NCLN: variants seen among roughly 807,000 people sequenced by gnomAD.
NCLN encodes BOS complex subunit NCLN.
Under a neutral mutation model 69.5 loss-of-function variants are expected in NCLN, and 34 were observed. That is an observed-to-expected ratio of 0.49 (90% confidence interval 0.37 to 0.65). The LOEUF (loss-of-function observed/expected upper bound fraction) is 0.65, where lower values mean the gene tolerates loss of function less well. Among genes scored for constraint, NCLN ranks in the 30% least tolerant of loss-of-function variants. NCLN has a pLI of 0.00. For synonymous variants in NCLN, 393 were observed against 358.3 expected (o/e 1.10, Z -1.09); for missense variants, 710 against 804.8 (o/e 0.88, Z 1.42).
chr19:3,193,856 C>G (rs886318746), intron 3 of NCLN, among the ~76,000 whole-genome samples: 5 of 152,266 alleles, frequency 3.3e-5, no homozygotes, highest in Non-Finnish European at 7.3e-5. Context: ...CGCCTTTCCT[C>G]CAGCCCCGTG....
At chr19:3,207,555 G>A in intron 14 of NCLN, 74 bp from the exon 15 acceptor site, 1 of 1,607,704 alleles carries the variant, frequency 6.2e-7, no homozygotes. Flanking sequence ...CCTGGCCCCT[G>A]GCTCAGCCTA....
intron 12 of NCLN, 67 bp from the exon 13 acceptor site, chr19:3,207,131 C>T: frequency 6.3e-7 from 1 of 1,582,018 alleles, no homozygotes; most frequent in East Asian, 2.2e-5. Context: ...GTCTCCATCT[C>T]TACAAACCCT....
At chr19:3,204,844 G>A in intron 9 of NCLN, 93 bp downstream of exon 9, 1 of 1,272,680 alleles carries the variant, frequency 7.9e-7, no homozygotes, top group Non-Finnish European at 1.0e-6. Flanking sequence ...AGCCTGGAGG[G>A]AGCGGCCCCC....
chr19:3,201,068 C>T (rs1024832622), intron 5 of NCLN, among the ~76,000 whole-genome samples: 3 of 152,158 alleles, frequency 2.0e-5, no homozygotes, highest in Non-Finnish European at 4.4e-5. Context: ...GGCATGTGGT[C>T]GGGCTGTGCA....
At chr19:3,186,328 C>T in intron 1 of NCLN, 114 bp downstream of exon 1, 1 of 1,199,992 alleles carries the variant, frequency 8.3e-7, no homozygotes, top group African/African-American at 1.6e-5. Flanking sequence ...GACCCATGCT[C>T]AGGCCCCAGG....
In NCLN at chr19:3,206,325, C is replaced by G; in HGVS notation, c.1399C>G (p.Gln467Glu). The change falls in exon 12 of 15, where the codon CAG (glutamine) becomes GAG (glutamate). Residue 467 changes from glutamine to glutamate, a missense_variant. By Grantham distance (29) the Gln-to-Glu change is conservative (BLOSUM62 2). Coordinates refer to ENST00000246117, the MANE Select transcript of NCLN (RefSeq NM_020170.4). Reference sequence around the variant, plus strand: ...GCTCACCAACCAGCCGCGGGCCGCGCAGCTGGTGGACAAGGACAGCACCTT... The same window carrying G: ...GCTCACCAACCAGCCGCGGGCCGCGGAGCTGGTGGACAAGGACAGCACCTT... ...DWLTNQPRAA[Q>E]LVDKDSTFLS... 6.5e-7 allele frequency: 1 copy of G among 1,548,294 alleles called. No individual in the cohort carries two copies. Among genetic ancestry groups the G allele is most frequent in the Non-Finnish European group, 8.7e-7 (1 of 1,146,922 alleles).
In NCLN at chr19:3,186,382, T is replaced by G. The variant is rs572112407; in HGVS notation, c.184+168T>G. On this transcript the variant is annotated intron_variant, in intron 1 of 14. Coordinates refer to ENST00000246117, the MANE Select transcript of NCLN (RefSeq NM_020170.4). ...CCCTGGACCCCCGGGCGCCCTGGAATCCCTGCTCTCCTTGCCTAGCGCCCA... is the reference window on the plus strand; with the variant it reads ...CCCTGGACCCCCGGGCGCCCTGGAAGCCCTGCTCTCCTTGCCTAGCGCCCA... Among the ~76,000 whole-genome samples, 23 of 152,064 alleles carry G rather than the reference T, an allele frequency of 1.5e-4. No homozygotes were observed. The South Asian group carries it at 4.6e-3, about 30-fold the overall frequency.
intron 4 of NCLN, 68 bp downstream of exon 4, chr19:3,196,345 G>A (rs918470829): frequency 1.6e-5 from 20 of 1,234,614 alleles, no homozygotes; most frequent in Middle Eastern, 1.9e-4. Context: ...CTGGCTCCCC[G>A]GCTCGGCCGT....
chr19:3,192,545 T>C lies in NCLN; in HGVS notation c.260T>C (p.Met87Thr). 6.2e-7 allele frequency: 1 copy of C among 1,610,014 alleles called. No homozygotes were observed. The highest frequency in any genetic ancestry group is 8.5e-7 in the Non-Finnish European group (1 of 1,178,780). The change falls in exon 2 of 15, where the codon ATG becomes ACG. Residue 87 changes from methionine (M) to threonine (T), a missense_variant. Coordinates refer to ENST00000246117, the MANE Select transcript of NCLN (RefSeq NM_020170.4). Reference protein sequence around the residue: ...AEVLSRRCVLMRLLDFSYEQY... With the variant: ...AEVLSRRCVLTRLLDFSYEQY... Reference sequence around the variant, plus strand: ...GTGCTGAGCCGCCGCTGCGTGCTCATGCGGCTACTGGACTTCTCCTACGAG... The same window carrying C: ...GTGCTGAGCCGCCGCTGCGTGCTCACGCGGCTACTGGACTTCTCCTACGAG...
At chr19:3,186,815 C>T (rs142660310) in intron 1 of NCLN, among the ~76,000 whole-genome samples, 236 of 152,244 alleles carry the variant, frequency 1.6e-3, no homozygotes, top group African/African-American at 5.3e-3. Flanking sequence ...CCCACCCCCT[C>T]CCACGGCCCT....
At position 3,206,393 on chromosome 19, in the gene NCLN, C is replaced by G. The variant is rs201065233; in HGVS notation, c.1467C>G (p.Asp489Glu). ...ACCACCTGAGCCGCTACCTGAAGGA[C>G]GTGAAGCAGCACCACGTCAAGGCTG... Reference protein sequence around the residue: ...LEHHLSRYLKDVKQHHVKADK... With the variant: ...LEHHLSRYLKEVKQHHVKADK... Residue 489 changes from aspartate to glutamate, a missense_variant, in exon 12 of 15, where the codon GAC (aspartate) becomes GAG (glutamate). Physicochemically the swap from Asp to Glu is conservative, Grantham distance 45. Transcript: ENST00000246117. The G allele has an allele frequency of 4.3e-5, 66 of 1,548,072 alleles. 1 individual carries two copies. In the East Asian group the frequency reaches 1.6e-3, roughly 37 times the overall value.
Position 3,204,051 on chromosome 19 carries a change from C to T in NCLN, c.936C>T (p.Asp312=), listed in dbSNP as rs1376004303. The T allele has an allele frequency of 1.9e-6, 3 of 1,569,424 alleles. No homozygotes were observed. In the African/African-American group the frequency reaches 4.1e-5, roughly 21 times the overall value. Residue 312 remains aspartate (D), a synonymous_variant, in exon 8 of 15, where the codon GAC becomes GAT. Transcript: ENST00000246117. ...QDNVAFVLCL[D]TVGRGSSLHL... ...ATGTGGCCTTCGTGCTGTGCCTGGA[C>T]ACCGTGGGCCGGGGCAGCAGCCTGC...
intron 1 of NCLN, among the ~76,000 whole-genome samples, chr19:3,190,532 G>A (rs912960016): frequency 2.0e-5 from 3 of 152,220 alleles, no homozygotes; most frequent in South Asian, 2.1e-4. Context: ...ACTCATGCAC[G>A]CCCCTGGCCC....
Position 3,205,458 on chromosome 19 carries a change from C to T in NCLN, c.1209-481C>T, listed in dbSNP as rs897848197. On this transcript the variant is annotated intron_variant, in intron 9 of 14. Transcript: ENST00000246117. The surrounding 1 kb of genome is among the most constrained non-coding windows in gnomAD (Gnocchi z 4.6). Reference sequence around the variant, plus strand: ...AGGGAGGGGCACATCCCTGGGTAATCGCAGTCCTGGAAAGGATGGAGGTGG... The same window carrying T: ...AGGGAGGGGCACATCCCTGGGTAATTGCAGTCCTGGAAAGGATGGAGGTGG... Among the ~76,000 whole-genome samples, 5 of 152,202 alleles carry T rather than the reference C, an allele frequency of 3.3e-5. 1 individual carries two copies. In the South Asian group the frequency reaches 8.3e-4, roughly 25 times the overall value.
In NCLN at chr19:3,203,831, C is replaced by T. The variant is rs1354140162; in HGVS notation, c.876C>T (p.Asn292=). 1.2e-6 allele frequency: 2 copies of T among 1,612,902 alleles called. No individual in the cohort carries two copies. Among genetic ancestry groups the T allele is most frequent in the Non-Finnish European group, 1.7e-6 (2 of 1,179,842 alleles). Residue 292 remains asparagine (N), a synonymous_variant, in exon 7 of 15, where the codon AAC becomes AAT. Transcript: ENST00000246117. ...GAACCAAGCGCTGGCTGGAAGACAA[C>T]CTGGACCACACAGGTGAGCGGCCCC... ...YQGTKRWLED[N]LDHTDSSLLQ... is the part of the protein sequence containing the mutation.
intron 1 of NCLN, among the ~76,000 whole-genome samples, chr19:3,191,414 C>T (rs1212117866): frequency 2.0e-5 from 3 of 152,190 alleles, no homozygotes; most frequent in South Asian, 4.1e-4. Flanking sequence ...GGGAAGACCC[C>T]GCCTCGCCCC....
At chr19:3,195,860 C>T (rs1328424890) in intron 3 of NCLN, among the ~76,000 whole-genome samples, 1 of 152,174 alleles carries the variant, frequency 6.6e-6, no homozygotes, top group African/African-American at 2.4e-5. Flanking sequence ...GTTGTGTGAA[C>T]TCACAGGCAT....
At chr19:3,195,460 A>C (rs939522454) in intron 3 of NCLN, among the ~76,000 whole-genome samples, 1 of 152,078 alleles carries the variant, frequency 6.6e-6, no homozygotes, top group African/African-American at 2.4e-5. Flanking sequence ...CGTGTTAGCC[A>C]GGAGGGTCTC....
rs148233253 is a variant in NCLN, at chr19:3,202,041, T to C, written c.800+415T>C. 1.1e-3 allele frequency among the ~76,000 whole-genome samples: 160 copies of C among 152,210 alleles called. 1 individual carries two copies. Among genetic ancestry groups the C allele is most frequent in the African/African-American group, 3.7e-3 (154 of 41,534 alleles). On this transcript the variant is annotated intron_variant, in intron 6 of 14. Transcript: ENST00000246117. ...TGCCAGGAACACGCCATAGTCATGA[T>C]AGCCACAGGTGCCCTCCGACATCAC...
Sources: gnomAD v4.1 joint callset for allele counts (sites outside exome capture counted in the v4.1 genomes callset) on GRCh38, gnomAD v4.1.1 for gene constraint, Gnocchi (gnomAD v3.1) non-coding constraint, MANE v1.5 for transcripts, NCBI Gene and HGNC (gene_info 2026-07-23, HGNC 2026-07-21) for gene names.